The following NSD1 variants were observed in gnomAD, a reference collection of about 807,000 sequenced individuals.
NSD1 encodes nuclear receptor binding SET domain protein 1, also known as histone-lysine N-methyltransferase, H3 lysine-36 specific.
A neutral mutation model predicts 242.7 loss-of-function variants in NSD1; 26 were observed. The observed-to-expected ratio is 0.11, with a 90% confidence interval of 0.08 to 0.15. The LOEUF (loss-of-function observed/expected upper bound fraction) is 0.15. Ranked by LOEUF, NSD1 falls within the 10% of genes least tolerant of loss-of-function variation. The probability of loss-of-function intolerance (pLI) is 1.00; values close to 1 mark genes in which losing one functional copy is unlikely to be tolerated. For synonymous variants in NSD1, 1,106 were observed against 1,178.1 expected (o/e 0.94, Z 1.25); for missense variants, 2,495 against 3,272.8 (o/e 0.76, Z 5.80).
chr5:177,259,972 T>C lies in NSD1; in HGVS notation c.4967-17T>C, dbSNP rs775400873. 2 of 1,614,178 alleles carry C rather than the reference T, an allele frequency of 1.2e-6. No homozygotes were observed. The highest frequency in any genetic ancestry group is 2.2e-5 in the East Asian group (1 of 44,894). On this transcript the variant is annotated splice_polypyrimidine_tract_variant and intron_variant, in intron 13 of 22. Transcript: ENST00000439151. ...TTTTTGTTTTTCTTTTGCTTGTCCC[T>C]GATTTTCCTGCTTTAGGTCGGTTGA...
At position 177,267,707 on chromosome 5, in the gene NSD1, T is replaced by G. The variant is rs747936415; in HGVS notation, c.5292T>G (p.Val1764=). The G allele has an allele frequency of 6.2e-7, 1 of 1,613,900 alleles. No homozygotes were observed. The highest frequency in any genetic ancestry group is 2.2e-5 in the East Asian group (1 of 44,856). The change falls in exon 15 of 23, where the codon GTT becomes GTG. Residue 1764 remains valine (V), a synonymous_variant. Transcript: ENST00000439151. ...ACAGGGAGATTGTCTGGGTAAAAGT[T>G]GGACGATACAGGTAAGCCTGAAGAA... is the stretch of plus-strand genomic sequence containing the variant. ...PHYREIVWVK[V]GRYRWWPAEI...
intron 2 of NSD1, among the ~76,000 whole-genome samples, chr5:177,141,678 C>A (rs556378566): frequency 6.6e-6 from 1 of 151,954 alleles, no homozygotes; most frequent in Non-Finnish European, 1.5e-5. Context: ...TCTTTTTCTT[C>A]CTCTTTCTCT....
chr5:177,277,062 G>A (rs1758451960), intron 17 of NSD1, among the ~76,000 whole-genome samples: 1 of 151,810 alleles, frequency 6.6e-6, no homozygotes, highest in African/African-American at 2.4e-5. Flanking sequence ...ACCATATTGA[G>A]CTACTGAGAG....
chr5:177,222,090 C>T (rs572141663), intron 5 of NSD1, among the ~76,000 whole-genome samples: 1 of 151,666 alleles, frequency 6.6e-6, no homozygotes, highest in Non-Finnish European at 1.5e-5. Flanking sequence ...GGATTACAGG[C>T]GTGAGCCATC....
intron 17 of NSD1, among the ~76,000 whole-genome samples, chr5:177,278,283 A>G (rs1352305083): frequency 1.3e-5 from 2 of 152,016 alleles, no homozygotes; most frequent in East Asian, 1.9e-4. Flanking sequence ...AAGCTTTATA[A>G]TTTTTTTGTA....
At chr5:177,187,043 G>A (rs187473630) in intron 2 of NSD1, among the ~76,000 whole-genome samples, 1 of 150,584 alleles carries the variant, frequency 6.6e-6, no homozygotes, top group Admixed American at 6.6e-5. Flanking sequence ...AAAAAACATG[G>A]TCTTTAGAGT....
intron 8 of NSD1, among the ~76,000 whole-genome samples, chr5:177,243,816 C>T (rs993997230): frequency 1.3e-5 from 2 of 152,110 alleles, no homozygotes; most frequent in African/African-American, 2.4e-5. Context: ...GCCTCAGCCT[C>T]CTGAGTAGCT....
chr5:177,236,144 A>G (rs1243635222), intron 6 of NSD1, among the ~76,000 whole-genome samples, 199 bp downstream of exon 6: 1 of 152,164 alleles, frequency 6.6e-6, no homozygotes, highest in Non-Finnish European at 1.5e-5. Context: ...GTATTTATTT[A>G]TGTATATATT....
At chr5:177,275,435 CTTTTTTTTTT>C (rs749631943) in intron 17 of NSD1, among the ~76,000 whole-genome samples, 6 of 50,146 alleles carry the variant, frequency 1.2e-4, no homozygotes, top group Admixed American at 6.8e-4. Flanking sequence ...CTTCCCTTGT[CTTTTTTTTTT>C]TTTTTTTTTT....
Position 177,279,683 on chromosome 5 carries a change from C to T in NSD1, c.5623-882C>T, listed in dbSNP as rs559013037. 9.8e-4 allele frequency among the ~76,000 whole-genome samples: 135 copies of T among 138,090 alleles called. 2 individuals carry two copies. The Middle Eastern group carries it at 0.014, about 14-fold the overall frequency. The allele number at this position is 138,090 out of a possible 152,430, so 90.6% of individuals were successfully genotyped here. A position where few individuals can be genotyped will look rare whatever the true frequency, so the allele number is the denominator to read the frequency against. The stretch of plus-strand genomic sequence containing the variant: ...TCACCCAGGCTGGAGTGCAGTCACG[C>T]GATCTCTGCAAGCTCCGCTGCCTCC... On this transcript the variant is annotated intron_variant, in intron 17 of 22. Transcript: ENST00000439151.
intron 6 of NSD1, among the ~76,000 whole-genome samples, chr5:177,237,348 A>G (rs1378612641): frequency 3.9e-5 from 6 of 151,928 alleles, no homozygotes; most frequent in East Asian, 1.9e-4. Context: ...TTAATTACCA[A>G]TTGTAACATT....
intron 7 of NSD1, among the ~76,000 whole-genome samples, chr5:177,239,116 T>C (rs1453598287): frequency 6.6e-6 from 1 of 152,250 alleles, no homozygotes; most frequent in Non-Finnish European, 1.5e-5. Context: ...AGAATCCTCT[T>C]TTCTGTACCC....
In NSD1 at chr5:177,207,593, A is replaced by ATTTTTTTT. The variant is rs150492535; in HGVS notation, c.1237-2021_1237-2014dup. Among the ~76,000 whole-genome samples, 239 of 78,214 alleles carry ATTTTTTTT rather than the reference A, an allele frequency of 3.1e-3. 39 individuals carry two copies. The highest frequency in any genetic ancestry group is 0.016 in the African/African-American group (227 of 14,176). 51.3% of individuals were successfully genotyped at this position (78,214 alleles called of 152,430 possible). A position where few individuals can be genotyped will look rare whatever the true frequency, so the allele number is the denominator to read the frequency against. On this transcript the variant is annotated intron_variant, in intron 4 of 22. Transcript: ENST00000439151. ...CACCGTGCCTGGCCTATTTATTTAA[A>ATTTTTTTT]TTTTTTTTTTTTTTTTTTTTTTTTT...
At chr5:177,208,016 A>C (rs1763036522) in intron 4 of NSD1, among the ~76,000 whole-genome samples, 1 of 152,020 alleles carries the variant, frequency 6.6e-6, no homozygotes, top group East Asian at 1.9e-4. Context: ...CACCTGCCTC[A>C]GCCTCTCAAA....
chr5:177,171,265 C>G (rs1247735194), intron 2 of NSD1, among the ~76,000 whole-genome samples: 2 of 151,950 alleles, frequency 1.3e-5, no homozygotes, highest in Non-Finnish European at 2.9e-5. Context: ...CAAGATCACG[C>G]CGCTGCACTC....
chr5:177,280,662 T>C lies in NSD1; in HGVS notation c.5720T>C (p.Ile1907Thr). ...GCTACTGATGAGAACCCCTGTGGGA[T>C]AGACTCTGAATGCATCAACCGCATG... ...CKATDENPCG[I>T]DSECINRMLL... The change falls in exon 18 of 23, where the codon ATA (isoleucine) becomes ACA (threonine). Residue 1907 changes from isoleucine (I) to threonine (T), a missense_variant. By Grantham distance (89) the Ile-to-Thr change is moderately conservative. Transcript: ENST00000439151. 2 of 1,614,178 alleles carry C rather than the reference T, an allele frequency of 1.2e-6. No homozygotes were observed. The highest frequency in any genetic ancestry group is 1.1e-5 in the South Asian group (1 of 91,086).
intron 2 of NSD1, among the ~76,000 whole-genome samples, chr5:177,138,296 C>G (rs1756516371): frequency 6.6e-6 from 1 of 152,134 alleles, no homozygotes; most frequent in Admixed American, 6.5e-5. Flanking sequence ...CATGCTGTCA[C>G]CCAGGCTGGA....
At chr5:177,259,127 G>A (rs1446043177) in intron 13 of NSD1, among the ~76,000 whole-genome samples, 2 of 152,206 alleles carry the variant, frequency 1.3e-5, no homozygotes, top group African/African-American at 2.4e-5. Context: ...GAGCCACCGC[G>A]CCTGGAAAAA....
chr5:177,230,688 G>A (rs557812645), intron 5 of NSD1, among the ~76,000 whole-genome samples: 26 of 151,936 alleles, frequency 1.7e-4, no homozygotes, highest in South Asian at 8.3e-4. Context: ...TGAGCCAGAT[G>A]TGGTGGCTTG....
Sources: allele counts gnomAD v4.1 joint callset (sites outside exome capture counted in the v4.1 genomes callset), GRCh38; gene constraint gnomAD v4.1.1; transcripts MANE v1.5; gene names NCBI Gene and HGNC (gene_info 2026-07-23, HGNC 2026-07-21).